Variants in MBD6 observed in about 807,000 individuals in gnomAD.
The protein encoded by MBD6 is methyl-CpG-binding domain protein 6.
In MBD6, 22 loss-of-function variants were observed where a neutral mutation model predicts 66.8. The ratio of observed to expected loss-of-function variants is 0.33; its 90% CI spans 0.24 to 0.47. MBD6 has a LOEUF of 0.47. Among genes scored for constraint, MBD6 ranks in the 20% least tolerant of loss-of-function variants. The pLI is 1.00. For missense variants in MBD6, 1,322 were observed against 1,286.9 expected (o/e 1.03, Z -0.42); for synonymous variants, 540 against 534.6 (o/e 1.01, Z -0.14).
Position 57,528,245 on chromosome 12 carries a change from C to A in MBD6, c.2505C>A (p.Ala835=), listed in dbSNP as rs1292203289. The part of the protein sequence containing the change: ...EPARPPLSAL[A]PPHGSPDPPV... ...CCAGGCCTCCCCTCAGTGCCTTAGC[C>A]CCACCCCATGGTTCTCCCGACCCCC... is the stretch of plus-strand genomic sequence containing the variant. The change falls in exon 10 of 13, where the codon GCC becomes GCA. Residue 835 remains alanine, a synonymous_variant. Coordinates refer to ENST00000355673, the MANE Select transcript of MBD6 (RefSeq NM_052897.4). The A allele has an allele frequency of 2.5e-6, 4 of 1,607,934 alleles. No individual in the cohort carries two copies. Among genetic ancestry groups the A allele is most frequent in the Non-Finnish European group, 3.4e-6 (4 of 1,177,248 alleles).
Position 57,529,565 on chromosome 12 carries a change from T to C in MBD6, c.*331T>C, listed in dbSNP as rs1879422799. 7.9e-6 allele frequency: 2 copies of C among 254,096 alleles called. No individual in the cohort carries two copies. Among genetic ancestry groups the C allele is most frequent in the South Asian group, 1.7e-4 (2 of 11,884 alleles). 15.7% of individuals were successfully genotyped at this position (254,096 alleles called of 1,614,324 possible). ...TTTGTTTAAGTTATTTTTGCACAAATGACTCTTTTATATTTAATTCGATTT... is the reference window on the plus strand; with the variant it reads ...TTTGTTTAAGTTATTTTTGCACAAACGACTCTTTTATATTTAATTCGATTT... On this transcript the variant is annotated 3_prime_UTR_variant, in exon 13 of 13. Transcript: ENST00000355673.
In MBD6 at chr12:57,525,665, C is replaced by G. The variant is rs199749595; in HGVS notation, c.697C>G (p.Leu233Val). The G allele has an allele frequency of 6.2e-7, 1 of 1,614,052 alleles. No individual in the cohort carries two copies. Residue 233 changes from leucine (L) to valine (V), a missense_variant, in exon 6 of 13, where the codon CTC (leucine) becomes GTC (valine). Physicochemically the swap from Leu to Val is conservative, Grantham distance 32. Transcript: ENST00000355673. Reference sequence around the variant, plus strand: ...TCCCTCATACAACTGGGGAGCTGCCCTCAGATCCAGCCTGGTGCCCTCTGA... The same window carrying G: ...TCCCTCATACAACTGGGGAGCTGCCGTCAGATCCAGCCTGGTGCCCTCTGA... Reference protein sequence around the residue: ...NAPSYNWGAALRSSLVPSDLG... With the variant: ...NAPSYNWGAAVRSSLVPSDLG...
chr12:57,530,803 TTTGTCAGGTCCAGTTGC>T (rs1174222457), downstream of MBD6: 1 of 1,578,506 alleles, frequency 6.3e-7, no homozygotes, highest in African/African-American at 1.3e-5. Context: ...GGTTTTACTC[TTTGTCAGGTCCAGTTGC>T]TTAACTGGAT....
chr12:57,530,677 T>G (rs760008935), downstream of MBD6: 35 of 1,611,838 alleles, frequency 2.2e-5, no homozygotes, highest in Non-Finnish European at 2.8e-5. Context: ...GTTCTCCAGC[T>G]CCCAAATGTG....
chr12:57,528,640 C>G, intron 10 of MBD6, 26 bp from the exon 11 acceptor site: 1 of 1,613,832 alleles, frequency 6.2e-7, no homozygotes, highest in South Asian at 1.1e-5. Flanking sequence ...CGAAATTTCC[C>G]ACACACATAG....
downstream of MBD6, chr12:57,530,871 G>T: frequency 9.1e-7 from 1 of 1,101,070 alleles, no homozygotes; most frequent in Non-Finnish European, 1.4e-6. Flanking sequence ...GACAAGAAAT[G>T]GAAGCACAAT....
At chr12:57,528,091 T>C (rs560879171) in intron 9 of MBD6, 56 bp from the exon 10 acceptor site, 84 of 1,539,968 alleles carry the variant, frequency 5.5e-5, no homozygotes, top group Non-Finnish European at 6.4e-5. Context: ...TTCTGAGTTA[T>C]AGTAGAAGAG....
chr12:57,530,562 A>C (rs1879575835), downstream of MBD6: 3 of 804,284 alleles, frequency 3.7e-6, no homozygotes, highest in African/African-American at 3.4e-5. Context: ...ATGCAAGAAG[A>C]ACCCTTGCCC....
Position 57,529,262 on chromosome 12 carries a change from C to A in MBD6, c.*28C>A. ...GCCATACCTGGAGCTGGATCTGACC[C>A]TGATTGGGGAGAGCTGAGTGCTGAG... On this transcript the variant is annotated 3_prime_UTR_variant, in exon 13 of 13. Transcript: ENST00000355673. 6.2e-7 allele frequency: 1 copy of A among 1,613,160 alleles called. No individual in the cohort carries two copies. Among genetic ancestry groups the A allele is most frequent in the South Asian group, 1.1e-5 (1 of 91,042 alleles).
chr12:57,525,173 G>A, intron 5 of MBD6, 58 bp downstream of exon 5: 1 of 1,570,264 alleles, frequency 6.4e-7, no homozygotes, highest in African/African-American at 1.4e-5. Context: ...TGGAAGGCTG[G>A]TGGTGGGAGG....
chr12:57,524,426 T>C lies in MBD6; in HGVS notation c.113+10T>C, dbSNP rs765814465. 6 of 1,562,958 alleles carry C rather than the reference T, an allele frequency of 3.8e-6. No individual in the cohort carries two copies. The Admixed American group carries it at 9.7e-5, about 25-fold the overall frequency. Reference sequence around the variant, plus strand: ...CTGTGCTCTACATCAGGTACGGATCTTCACAGGTCCCCAAGCTCTGCCACT... The same window carrying C: ...CTGTGCTCTACATCAGGTACGGATCCTCACAGGTCCCCAAGCTCTGCCACT... On this transcript the variant is annotated intron_variant, in intron 3 of 12. Coordinates refer to ENST00000355673, the MANE Select transcript of MBD6 (RefSeq NM_052897.4).
At chr12:57,522,344 C>A (rs929871672), upstream of MBD6, among the ~76,000 whole-genome samples, 3 of 151,098 alleles carry the variant, frequency 2.0e-5, no homozygotes, top group Admixed American at 2.0e-4. Flanking sequence ...GACATGTTGA[C>A]CTGGGGAGGC....
chr12:57,522,455 C>G (rs1031198337), upstream of MBD6, among the ~76,000 whole-genome samples: 1 of 152,100 alleles, frequency 6.6e-6, no homozygotes, highest in Admixed American at 6.5e-5. Context: ...ACCTGGCATT[C>G]CTGGTTCCCG....
In MBD6 at chr12:57,524,960, A is replaced by G; in HGVS notation, c.224A>G (p.Asn75Ser). Reference sequence around the variant, plus strand: ...TTGCTTTCCACCTTACAGGTTTTCAACTTTGACCCTTTGGCCCCGGTGACC... The same window carrying G: ...TTGCTTTCCACCTTACAGGTTTTCAGCTTTGACCCTTTGGCCCCGGTGACC... ...ECPLNVPKVF[N>S]FDPLAPVTPG... Residue 75 changes from asparagine to serine, a missense_variant, in exon 5 of 13, where the codon AAC (asparagine) becomes AGC (serine). Physicochemically the swap from Asn to Ser is conservative, Grantham distance 46. Transcript: ENST00000355673. 6.2e-7 allele frequency: 1 copy of G among 1,601,276 alleles called. No individual in the cohort carries two copies. The highest frequency in any genetic ancestry group is 8.5e-7 in the Non-Finnish European group (1 of 1,171,944).
In MBD6 at chr12:57,529,023, T is replaced by TGGGTGGAG; in HGVS notation, c.2937+21_2937+22insGGGGTGGA. ...CCTACAGCCCGAGTAAGTGTGTGTT[T>TGGGTGGAG]GGGTGGATGGGTGGATGGGTAGGGT... On this transcript the variant is annotated intron_variant, in intron 12 of 12. Coordinates refer to ENST00000355673, the MANE Select transcript of MBD6 (RefSeq NM_052897.4). 2 of 1,612,868 alleles carry TGGGTGGAG rather than the reference T, an allele frequency of 1.2e-6. No homozygotes were observed. The highest frequency in any genetic ancestry group is 1.7e-6 in the Non-Finnish European group (2 of 1,179,036).
At position 57,525,079 on chromosome 12, in the gene MBD6, C is replaced by T. The variant is rs370964269; in HGVS notation, c.343C>T (p.Arg115Cys). Reference protein sequence around the residue: ...RKAVAMATLYRSMETTCSHSS... With the variant: ...RKAVAMATLYCSMETTCSHSS... ...AGCTGTTGCTATGGCAACTCTGTAC[C>T]GCAGCATGGAGACCACCTGCTCACA... The change falls in exon 5 of 13, where the codon CGC becomes TGC. Residue 115 changes from arginine to cysteine, a missense_variant. Arg to Cys is a radical substitution (Grantham distance 180). Transcript: ENST00000355673. The T allele has an allele frequency of 5.0e-6, 8 of 1,611,960 alleles. No homozygotes were observed. The highest frequency in any genetic ancestry group is 1.6e-4 in the Middle Eastern group (1 of 6,066).
intron 2 of MBD6, 57 bp from the exon 3 acceptor site, chr12:57,524,223 C>T (rs1878665735): frequency 8.9e-7 from 1 of 1,119,566 alleles, no homozygotes. Flanking sequence ...AGTCCTCTCT[C>T]AGGTACTTCG....
chr12:57,522,042 T>C (rs1878380288), upstream of MBD6: 1 of 152,204 alleles, frequency 6.6e-6, no homozygotes, highest in African/African-American at 2.4e-5. Flanking sequence ...AAAGTATTTT[T>C]CTTGTGCCTT....
chr12:57,529,464 A>G lies in MBD6; in HGVS notation c.*230A>G, dbSNP rs1879407805. The G allele has an allele frequency of 2.0e-6, 1 of 499,780 alleles. No individual in the cohort carries two copies. Among genetic ancestry groups the G allele is most frequent in the Non-Finnish European group, 3.5e-6 (1 of 281,880 alleles). The allele number at this position is 499,780 out of a possible 1,614,324, so 31.0% of individuals were successfully genotyped here. A position where few individuals can be genotyped will look rare whatever the true frequency, so the allele number is the denominator to read the frequency against. On this transcript the variant is annotated 3_prime_UTR_variant, in exon 13 of 13. Transcript: ENST00000355673. ...GCCCCCCCGAAGCCATGTCACTGAA[A>G]AGGCCTGGGGGGGATGGTATATGGC...
Sources: gnomAD v4.1 joint callset for allele counts (sites outside exome capture counted in the v4.1 genomes callset) on GRCh38, gnomAD v4.1.1 for gene constraint, MANE v1.5 for transcripts, NCBI Gene and HGNC (gene_info 2026-07-23, HGNC 2026-07-21) for gene names.